The following CHD5 variants were observed in gnomAD, a reference collection of about 807,000 sequenced individuals.
The protein encoded by CHD5 is chromodomain helicase DNA binding protein 5.
Under a neutral mutation model 230.3 loss-of-function variants are expected in CHD5, and 69 were observed. The ratio of observed to expected loss-of-function variants is 0.30; its 90% CI spans 0.25 to 0.37. The LOEUF (loss-of-function observed/expected upper bound fraction) is 0.37. CHD5 is among the 10% of genes least tolerant of loss of function. The pLI is 1.00. For synonymous variants in CHD5, 1,064 were observed against 1,065.9 expected (o/e 1.00, Z 0.03); for missense variants, 1,827 against 2,622.8 (o/e 0.70, Z 6.63).
rs1205654900 is a variant in CHD5 at position 6,130,529 on chromosome 1, C to T, written c.3263-201G>A. Reference sequence around the variant, plus strand: ...AGGAGGCCTGCCCAAGCCCACTTAGCCCCCAGCGAGCTCTGAGCCCTAGTG... The same window carrying T: ...AGGAGGCCTGCCCAAGCCCACTTAGTCCCCAGCGAGCTCTGAGCCCTAGTG... On this transcript the variant is annotated intron_variant, in intron 21 of 41. Transcript: ENST00000262450. The surrounding 1 kb of genome is among the most constrained non-coding windows in gnomAD (Gnocchi z 4.9). 6.6e-6 allele frequency among the ~76,000 whole-genome samples: 1 copy of T among 152,128 alleles called. No individual in the cohort carries two copies. Among genetic ancestry groups the T allele is most frequent in the African/African-American group, 2.4e-5 (1 of 41,414 alleles).
chr1:6,111,314 A>T (rs1444436978), intron 36 of CHD5, among the ~76,000 whole-genome samples: 1 of 151,624 alleles, frequency 6.6e-6, no homozygotes, highest in Non-Finnish European at 1.5e-5. Context: ...TGGGTGGATC[A>T]CTTGAGGTCA....
intron 6 of CHD5, 38 bp downstream of exon 6, chr1:6,152,364 ACACATGCATG>A: frequency 6.3e-7 from 1 of 1,580,696 alleles, no homozygotes; most frequent in Non-Finnish European, 8.6e-7. Flanking sequence ...ATGTGCAGAC[ACACATGCATG>A]CAAATGCACA....
rs1667070047 is a variant in CHD5, at chr1:6,155,702, C to G, written c.403G>C (p.Gly135Arg). Residue 135 changes from glycine (G) to arginine (R), a missense_variant, in exon 4 of 42, where the codon GGG becomes CGG. Around this residue, in one of 14 missense-constraint regions of CHD5, gnomAD observed 657 missense variants for 816.4 expected, o/e 0.80. Coordinates refer to ENST00000262450, the MANE Select transcript of CHD5 (RefSeq NM_015557.3). This position sits in a 1 kb window ranked among gnomAD's most constrained non-coding sequence, Gnocchi z 4.0. ...AGGCCCCACTCGGCCATGAGCTGCC[C>G]CGAGGACTTGGGCTCCTACAGAGAC... ...DGCLKEPKSS[G>R]QLMAEWGLDD... 6.2e-7 allele frequency: 1 copy of G among 1,613,892 alleles called. No individual in the cohort carries two copies.
At chr1:6,160,131 GGCCCC>G (rs1667146593) in intron 2 of CHD5, among the ~76,000 whole-genome samples, 1 of 105,906 alleles carries the variant, frequency 9.4e-6, no homozygotes, top group African/African-American at 3.9e-5. Context: ...GCCAGGGAAG[GGCCCC>G]AGCCAGGGAA....
chr1:6,118,268 C>T (rs974227820), intron 33 of CHD5, among the ~76,000 whole-genome samples: 49 of 150,926 alleles, frequency 3.2e-4, no homozygotes, highest in African/African-American at 1.2e-3. Flanking sequence ...GTCCCAGCTA[C>T]TTGGGAGGCT....
Position 6,136,833 on chromosome 1 carries a change from G to C in CHD5, c.2469C>G (p.Leu823=). The change falls in exon 16 of 42, where the codon CTC becomes CTG. Residue 823 remains leucine, a synonymous_variant. Transcript: ENST00000262450. The part of the protein sequence containing the change: ...KEVQIKFHVL[L]TSYELITIDQ... ...CAATGGTGATGAGCTCATAGGAGGT[G>C]AGCAGCACGTGGAATTTGATCTGCA... 1.2e-6 allele frequency: 2 copies of C among 1,611,908 alleles called. No homozygotes were observed. Among genetic ancestry groups the C allele is most frequent in the Non-Finnish European group, 1.7e-6 (2 of 1,178,454 alleles).
Position 6,155,075 on chromosome 1 carries a change from CA to C in CHD5, c.507-178del, listed in dbSNP as rs1366899159. 9.6e-6 allele frequency among the ~76,000 whole-genome samples: 1 copy of C among 104,076 alleles called. No individual in the cohort carries two copies. The highest frequency in any genetic ancestry group is 3.0e-5 in the African/African-American group (1 of 32,808). 68.3% of individuals were successfully genotyped at this position (104,076 alleles called of 152,430 possible). Reference sequence around the variant, plus strand: ...ACCACAGCCCACCCCCAAAACGCCCCAGCTTCCTGTCCACACCCACAGCCCA... The same window carrying C: ...ACCACAGCCCACCCCCAAAACGCCCCGCTTCCTGTCCACACCCACAGCCCA... On this transcript the variant is annotated intron_variant, in intron 4 of 41. Transcript: ENST00000262450. This position sits in a 1 kb window ranked among gnomAD's most constrained non-coding sequence, Gnocchi z 4.0.
Position 6,104,065 on chromosome 1 carries a change from C to T in CHD5, c.*1409G>A, listed in dbSNP as rs367599267. ...CACCTTCCCTGGGAAGGTCCCAGTA[C>T]AAGACTCAGAAACGCCTTCCAGGTC... On this transcript the variant is annotated 3_prime_UTR_variant, in exon 42 of 42. Transcript: ENST00000262450. 12 of 152,264 alleles carry T rather than the reference C, an allele frequency of 7.9e-5. No individual in the cohort carries two copies. Among genetic ancestry groups the T allele is most frequent in the African/African-American group, 2.6e-4 (11 of 41,514 alleles). The allele number at this position is 152,264 out of a possible 1,614,324, so 9.4% of individuals were successfully genotyped here. A position where few individuals can be genotyped will look rare whatever the true frequency, so the allele number is the denominator to read the frequency against.
At chr1:6,138,383 A>AT (rs1666777458) in intron 15 of CHD5, among the ~76,000 whole-genome samples, 1 of 152,100 alleles carries the variant, frequency 6.6e-6, no homozygotes, top group Non-Finnish European at 1.5e-5. Flanking sequence ...TCTCCAAAAA[A>AT]AAAAAAGCAA....
intron 33 of CHD5, among the ~76,000 whole-genome samples, chr1:6,115,040 C>T (rs1373368273): frequency 1.3e-5 from 2 of 151,232 alleles, no homozygotes; most frequent in Non-Finnish European, 2.9e-5. Flanking sequence ...GGGGCAGGCG[C>T]GGTGGCTCAC....
chr1:6,129,133 C>A lies in CHD5; in HGVS notation c.3388-64G>T. ...GGGCTCCAGGCAATGGAGGAGATCACACCCATGAGCTCAAGAGCATGGAAT... is the reference window on the plus strand; with the variant it reads ...GGGCTCCAGGCAATGGAGGAGATCAAACCCATGAGCTCAAGAGCATGGAAT... On this transcript the variant is annotated intron_variant, in intron 22 of 41. Coordinates refer to ENST00000262450, the MANE Select transcript of CHD5 (RefSeq NM_015557.3). The surrounding 1 kb of genome is among the most constrained non-coding windows in gnomAD (Gnocchi z 6.8). 2 of 1,120,426 alleles carry A rather than the reference C, an allele frequency of 1.8e-6. No homozygotes were observed. Among genetic ancestry groups the A allele is most frequent in the South Asian group, 1.3e-5 (1 of 74,614 alleles). 69.4% of individuals were successfully genotyped at this position (1,120,426 alleles called of 1,614,324 possible).
rs760720877 is a variant in CHD5, at chr1:6,151,021, G to A, written c.994+11C>T. On this transcript the variant is annotated intron_variant, in intron 7 of 41. Coordinates refer to ENST00000262450, the MANE Select transcript of CHD5 (RefSeq NM_015557.3). Reference sequence around the variant, plus strand: ...CAGCAGGCCAAGAACTCTCTGGAAGGGGAGTCATACTCCTCTTCTTCTTGC... The same window carrying A: ...CAGCAGGCCAAGAACTCTCTGGAAGAGGAGTCATACTCCTCTTCTTCTTGC... The A allele has an allele frequency of 6.5e-7, 1 of 1,535,880 alleles. No homozygotes were observed. Among genetic ancestry groups the A allele is most frequent in the African/African-American group, 1.4e-5 (1 of 72,756 alleles).
In CHD5 at chr1:6,111,932, C is replaced by T. The variant is rs59788818; in HGVS notation, c.5141-49G>A. The T allele has an allele frequency of 2.5e-5, 39 of 1,552,866 alleles. No homozygotes were observed. In the Middle Eastern group the frequency reaches 8.4e-4, roughly 34 times the overall value. ...AGGGTGAGAAGTGCCCCAGCTCTCA[C>T]GCACAGGCAGGCTTGGAGAGCCGCT... is the stretch of plus-strand genomic sequence containing the variant. On this transcript the variant is annotated intron_variant, in intron 35 of 41. Coordinates refer to ENST00000262450, the MANE Select transcript of CHD5 (RefSeq NM_015557.3).
intron 13 of CHD5, among the ~76,000 whole-genome samples, chr1:6,143,576 G>A (rs967762562): frequency 3.9e-5 from 6 of 152,178 alleles, no homozygotes; most frequent in African/African-American, 1.4e-4. Context: ...GGACACCCAG[G>A]GAGCTCTGCT....
At chr1:6,153,098 G>A (rs1025690116) in intron 5 of CHD5, among the ~76,000 whole-genome samples, 2 of 152,232 alleles carry the variant, frequency 1.3e-5, no homozygotes, top group East Asian at 1.9e-4. Flanking sequence ...GACCCAAGAA[G>A]GAAGGGGGGC....
At position 6,148,939 on chromosome 1, in the gene CHD5, G is replaced by A; in HGVS notation, c.1298C>T (p.Ala433Val). The A allele has an allele frequency of 1.3e-6, 2 of 1,595,350 alleles. No individual in the cohort carries two copies. Among genetic ancestry groups the A allele is most frequent in the Non-Finnish European group, 1.7e-6 (2 of 1,171,158 alleles). Residue 433 changes from alanine to valine, a missense_variant, in exon 9 of 42, where the codon GCC becomes GTC. This residue lies in a region of CHD5 where 657 missense variants were observed against 816.4 expected (regional missense o/e 0.80). Coordinates refer to ENST00000262450, the MANE Select transcript of CHD5 (RefSeq NM_015557.3). ...KDGGELLCCDACPSSYHLHCL... is the reference protein window; with the variant it reads ...KDGGELLCCDVCPSSYHLHCL... ...ATGCAGGTGGTAGGAGGAGGGGCAG[G>A]CGTCGCAGCAGAGCAGCTCGCCCCC...
Position 6,167,065 on chromosome 1 carries a change from C to G in CHD5, c.207+1085G>C, listed in dbSNP as rs1228608666. 6.6e-6 allele frequency among the ~76,000 whole-genome samples: 1 copy of G among 152,236 alleles called. No homozygotes were observed. Among genetic ancestry groups the G allele is most frequent in the Non-Finnish European group, 1.5e-5 (1 of 68,048 alleles). On this transcript the variant is annotated intron_variant, in intron 2 of 41. Transcript: ENST00000262450. This position sits in a 1 kb window ranked among gnomAD's most constrained non-coding sequence, Gnocchi z 4.5. Reference sequence around the variant, plus strand: ...AGCGCTGCCAAGGGCACCCCCTTAGCATTAGCACCTCACCTCACCACCACT... The same window carrying G: ...AGCGCTGCCAAGGGCACCCCCTTAGGATTAGCACCTCACCTCACCACCACT...
chr1:6,134,945 G>A lies in CHD5; in HGVS notation c.2871-86C>T, dbSNP rs1666716162. 1.9e-6 allele frequency: 3 copies of A among 1,552,512 alleles called. No homozygotes were observed. Among genetic ancestry groups the A allele is most frequent in the East Asian group, 2.2e-5 (1 of 44,580 alleles). On this transcript the variant is annotated intron_variant, in intron 18 of 41. Coordinates refer to ENST00000262450, the MANE Select transcript of CHD5 (RefSeq NM_015557.3). The surrounding 1 kb of genome is among the most constrained non-coding windows in gnomAD (Gnocchi z 6.3). ...TGCTCTGCAGTGGGGCTGGAAGCTG[G>A]TGGCCAAGCACCCATTTACAGAGAG...
intron 5 of CHD5, among the ~76,000 whole-genome samples, chr1:6,153,099 G>T (rs960748183): frequency 6.6e-6 from 1 of 152,214 alleles, no homozygotes; most frequent in African/African-American, 2.4e-5. Context: ...ACCCAAGAAG[G>T]AAGGGGGGCC....
Sources: allele counts gnomAD v4.1 joint callset (sites outside exome capture counted in the v4.1 genomes callset), GRCh38; gene constraint gnomAD v4.1.1; regional missense constraint gnomAD v4.1.1; non-coding constraint Gnocchi (gnomAD v3.1); transcripts MANE v1.5; gene names NCBI Gene and HGNC (gene_info 2026-07-23, HGNC 2026-07-21).